Variants in C16orf95 observed in about 807,000 individuals in gnomAD.
The protein encoded by C16orf95 is chromosome 16 open reading frame 95.
In C16orf95, 41 loss-of-function variants were observed where a neutral mutation model predicts 32.1. That is an observed-to-expected ratio of 1.28 (90% CI 1.00 to 1.66). The LOEUF (loss-of-function observed/expected upper bound fraction) is 1.66, where lower values mean the gene tolerates loss of function less well. C16orf95 is among the 40% of genes most tolerant of loss of function. C16orf95 has a pLI of 0.00. For synonymous variants in C16orf95, 147 were observed against 128.9 expected (o/e 1.14, Z -0.95); for missense variants, 399 against 325.9 (o/e 1.22, Z -1.73).
chr16:87,317,391 A>C lies in C16orf95; in HGVS notation c.-149T>G. 7.2e-7 allele frequency: 1 copy of C among 1,393,094 alleles called. No homozygotes were observed. Among genetic ancestry groups the C allele is most frequent in the Admixed American group, 3.4e-5 (1 of 29,760 alleles). 86.3% of individuals were successfully genotyped at this position (1,393,094 alleles called of 1,614,324 possible). A position where few individuals can be genotyped will look rare whatever the true frequency, so the allele number is the denominator to read the frequency against. On this transcript the variant is annotated 5_prime_UTR_variant, in exon 1 of 7. Coordinates refer to ENST00000567970, the MANE Select transcript of C16orf95 (RefSeq NM_001195124.3). ...CTCAACCGCTCAGAGGAGCCCAACA[A>C]CGCCCGCGCGCCCGCCCGTCCCGCT... is the stretch of plus-strand genomic sequence containing the variant.
intron 5 of C16orf95, among the ~76,000 whole-genome samples, chr16:87,309,255 C>A (rs1911164415): frequency 6.6e-6 from 1 of 151,426 alleles, no homozygotes; most frequent in South Asian, 2.1e-4. Flanking sequence ...AAATTAGATC[C>A]TGTTCAGATA....
At chr16:87,308,809 T>C (rs1034107348) in intron 5 of C16orf95, among the ~76,000 whole-genome samples, 4 of 152,264 alleles carry the variant, frequency 2.6e-5, no homozygotes, top group African/African-American at 9.6e-5. Flanking sequence ...GCAGCTGATC[T>C]GGACACAATG....
chr16:87,310,586 G>C (rs1375174742), intron 4 of C16orf95, among the ~76,000 whole-genome samples: 6 of 152,208 alleles, frequency 3.9e-5, no homozygotes, highest in Non-Finnish European at 8.8e-5. Context: ...GGAAAGCAGG[G>C]GAGCGAGAGG....
At chr16:87,312,341 G>A (rs9925425) in intron 3 of C16orf95, among the ~76,000 whole-genome samples, 1 of 152,196 alleles carries the variant, frequency 6.6e-6, no homozygotes, top group East Asian at 1.9e-4. Flanking sequence ...GGCCAAGGCA[G>A]GTGGATCACT....
intron 4 of C16orf95, 47 bp from the exon 5 acceptor site, chr16:87,310,380 A>C: frequency 6.5e-7 from 1 of 1,530,066 alleles, no homozygotes; most frequent in Non-Finnish European, 8.8e-7. Flanking sequence ...CGACCCTCCA[A>C]GGGGGAAGGC....
intron 3 of C16orf95, among the ~76,000 whole-genome samples, chr16:87,313,788 G>C (rs898740600): frequency 1.3e-5 from 2 of 152,092 alleles, no homozygotes; most frequent in Admixed American, 6.5e-5. Flanking sequence ...CTCGGATCAA[G>C]AACTTGTATC....
intron 5 of C16orf95, among the ~76,000 whole-genome samples, chr16:87,307,603 C>T (rs894979871): frequency 6.6e-6 from 1 of 151,956 alleles, no homozygotes; most frequent in African/African-American, 2.4e-5. Flanking sequence ...AATAAAAATA[C>T]AAAAATCAGC....
chr16:87,310,328 G>A lies in C16orf95; in HGVS notation c.483C>T (p.Val161=), dbSNP rs1021702165. 1 of 1,536,072 alleles carries A rather than the reference G, an allele frequency of 6.5e-7. No individual in the cohort carries two copies. Among genetic ancestry groups the A allele is most frequent in the Non-Finnish European group, 8.7e-7 (1 of 1,146,890 alleles). Residue 161 remains valine, a synonymous_variant, in exon 5 of 7, where the codon GTC becomes GTT. Coordinates refer to ENST00000567970, the MANE Select transcript of C16orf95 (RefSeq NM_001195124.3). The stretch of plus-strand genomic sequence containing the variant: ...TGCCTTTCAAACTCTGCTGCCTCCT[G>A]ACTATCTAAAAGACAAGAATGGAGG... ...PQVLRSQQQI[V]RRQQSLKGIQ...
At chr16:87,307,817 G>C (rs912841025) in intron 5 of C16orf95, among the ~76,000 whole-genome samples, 1 of 152,128 alleles carries the variant, frequency 6.6e-6, no homozygotes, top group Admixed American at 6.6e-5. Flanking sequence ...CTCAACATAA[G>C]CTCTACAAGG....
chr16:87,315,070 G>A lies in C16orf95; in HGVS notation c.231C>T (p.Cys77=), dbSNP rs1904307664. 3 of 1,535,982 alleles carry A rather than the reference G, an allele frequency of 2.0e-6. No individual in the cohort carries two copies. The highest frequency in any genetic ancestry group is 1.4e-5 in the African/African-American group (1 of 73,044). ...HSMHPGPWAI[C]CECQTRFGGR... is the part of the protein sequence containing the mutation. Reference sequence around the variant, plus strand: ...CCCCGAATCTGGTCTGGCATTCACAGCAGATGGCCCAGGGGCCAGGGTGCA... The same window carrying A: ...CCCCGAATCTGGTCTGGCATTCACAACAGATGGCCCAGGGGCCAGGGTGCA... The change falls in exon 3 of 7, where the codon TGC becomes TGT. Residue 77 remains cysteine (C), a synonymous_variant. Coordinates refer to ENST00000567970, the MANE Select transcript of C16orf95 (RefSeq NM_001195124.3).
At chr16:87,309,287 G>C (rs1211727835) in intron 5 of C16orf95, among the ~76,000 whole-genome samples, 1 of 145,820 alleles carries the variant, frequency 6.9e-6, no homozygotes, top group Non-Finnish European at 1.5e-5. Flanking sequence ...GTTAGTATCA[G>C]TTTAGTTTGG....
chr16:87,307,661 G>C (rs1402931151), intron 5 of C16orf95, among the ~76,000 whole-genome samples: 1 of 152,136 alleles, frequency 6.6e-6, no homozygotes, highest in Non-Finnish European at 1.5e-5. Context: ...GGGAGGCTGA[G>C]GTAGGAGAAT....
At chr16:87,303,104 G>C in intron 6 of C16orf95, 29 bp from the exon 7 acceptor site, 1 of 1,536,006 alleles carries the variant, frequency 6.5e-7, no homozygotes, top group South Asian at 1.2e-5. Context: ...CAGTTACTAG[G>C]ACCCGGCCCC....
chr16:87,316,282 CGGGTGCTTTGTCTCTGGGATGACA>C (rs1567606688), intron 1 of C16orf95, among the ~76,000 whole-genome samples: 2 of 152,108 alleles, frequency 1.3e-5, no homozygotes, highest in East Asian at 3.8e-4. Context: ...TATAAAAACC[CGGGTGCTTTGTCTCTGGGATGACA>C]AAGCACTTGG....
Position 87,302,955 on chromosome 16 carries a change from G to C in C16orf95, c.*102C>G. 1 of 1,206,310 alleles carries C rather than the reference G, an allele frequency of 8.3e-7. No individual in the cohort carries two copies. The highest frequency in any genetic ancestry group is 1.2e-6 in the Non-Finnish European group (1 of 845,930). 74.7% of individuals were successfully genotyped at this position (1,206,310 alleles called of 1,614,324 possible). On this transcript the variant is annotated 3_prime_UTR_variant, in exon 7 of 7. Transcript: ENST00000567970. ...CTGGGTGTGGATTCTGTTCTGAGAA[G>C]ACAGCGACTGTCACAGACGCCTCCT...
rs916262054 is a variant in C16orf95, at chr16:87,317,353, C to T, written c.-111G>A. The T allele has an allele frequency of 2.1e-6, 3 of 1,424,362 alleles. No individual in the cohort carries two copies. Among genetic ancestry groups the T allele is most frequent in the Non-Finnish European group, 2.7e-6 (3 of 1,091,016 alleles). 88.2% of individuals were successfully genotyped at this position (1,424,362 alleles called of 1,614,324 possible). A position where few individuals can be genotyped will look rare whatever the true frequency, so the allele number is the denominator to read the frequency against. The stretch of plus-strand genomic sequence containing the variant: ...CAGGAGGAACCCAACCCGAGCTCAA[C>T]CCCAGCCCCAACCTCAACCGCTCAG... On this transcript the variant is annotated 5_prime_UTR_variant, in exon 1 of 7. Transcript: ENST00000567970.
intron 4 of C16orf95, among the ~76,000 whole-genome samples, chr16:87,310,942 C>G (rs952296964): frequency 6.6e-6 from 1 of 152,186 alleles, no homozygotes; most frequent in African/African-American, 2.4e-5. Flanking sequence ...AACTGGGAGA[C>G]CTGAGCCAGC....
Position 87,317,172 on chromosome 16 carries a change from G to C in C16orf95, c.71C>G (p.Ser24Ter). The C allele has an allele frequency of 6.5e-7, 1 of 1,530,874 alleles. No individual in the cohort carries two copies. 94.8% of individuals were successfully genotyped at this position (1,530,874 alleles called of 1,614,324 possible). ...HHHHEATGAA[S>*]GAAAGGPGAG... ...GCCCGGCCCCCCGGCAGCAGCGCCT[G>C]AGGCTGCTCCAGTGGCCTCATGATG... The change falls in exon 1 of 7, where the codon TCA becomes TGA. Residue 24 changes from serine to a stop codon, truncating the protein, a stop_gained. Coordinates refer to ENST00000567970, the MANE Select transcript of C16orf95 (RefSeq NM_001195124.3). LOFTEE classifies it high-confidence loss of function.
chr16:87,305,953 T>C lies in C16orf95; in HGVS notation c.515-48A>G. The C allele has an allele frequency of 7.5e-7, 1 of 1,338,672 alleles. No individual in the cohort carries two copies. Among genetic ancestry groups the C allele is most frequent in the African/African-American group, 1.5e-5 (1 of 64,872 alleles). The allele number at this position is 1,338,672 out of a possible 1,614,324, so 82.9% of individuals were successfully genotyped here. ...GAGGACAGGGCGTGTTCTCCGGGAC[T>C]CTGTGAGCCACGAGGAGGCTGCAAC... On this transcript the variant is annotated intron_variant, in intron 5 of 6. Coordinates refer to ENST00000567970, the MANE Select transcript of C16orf95 (RefSeq NM_001195124.3). This position sits in a 1 kb window ranked among gnomAD's most constrained non-coding sequence, Gnocchi z 4.2.
Sources: gnomAD v4.1 joint callset for allele counts (sites outside exome capture counted in the v4.1 genomes callset) on GRCh38, gnomAD v4.1.1 for gene constraint, Gnocchi (gnomAD v3.1) non-coding constraint, MANE v1.5 for transcripts, NCBI Gene and HGNC (gene_info 2026-07-23, HGNC 2026-07-21) for gene names.